ZNF469: variants seen among roughly 807,000 people sequenced by gnomAD.
ZNF469 encodes zinc finger protein 469.
ZNF469 carries 1 observed loss-of-function variant against 1.0 expected under a neutral mutation model. The ratio of observed to expected loss-of-function variants is 1.00; its 90% CI spans 0.35 to 4.73. The LOEUF (loss-of-function observed/expected upper bound fraction) is 4.73, where lower values mean the gene tolerates loss of function less well. Ranked by LOEUF, ZNF469 falls within the 30% of genes most tolerant of loss-of-function variation. The pLI, the probability that ZNF469 is intolerant of heterozygous loss-of-function variation, is 0.16. For missense variants in ZNF469, 6,100 were observed against 5,356.3 expected (o/e 1.14, Z -4.33); for synonymous variants, 2,703 against 2,363.4 (o/e 1.14, Z -4.17).
chr16:88,135,896 C>G, the ZNF469 span, among the ~76,000 whole-genome samples: 177 of 151,594 alleles, frequency 1.2e-3, no homozygotes, highest in Middle Eastern at 3.4e-3. Context: ...GAGTAGCTGG[C>G]ACTACAGGCG....
chr16:88,189,547 A>G, the ZNF469 span, among the ~76,000 whole-genome samples: 2 of 152,162 alleles, frequency 1.3e-5, no homozygotes, highest in African/African-American at 4.8e-5. The surrounding 1 kb of genome is among the most constrained non-coding windows in gnomAD (Gnocchi z 4.3). Flanking sequence ...TTGTGCTCCT[A>G]CTGTGTGCCA....
the ZNF469 span, among the ~76,000 whole-genome samples, chr16:88,162,415 C>A: frequency 1.4e-5 from 2 of 148,070 alleles, no homozygotes; most frequent in Non-Finnish European, 3.0e-5. Flanking sequence ...GCCAGAAATG[C>A]TTGAAGACTG....
the ZNF469 span, among the ~76,000 whole-genome samples, chr16:88,307,315 T>C: frequency 0.68 from 103,825 of 152,110 alleles, 35,722 homozygotes; most frequent in East Asian, 0.95. Flanking sequence ...GTGTACCCGT[T>C]TTTATGTGAA....
chr16:88,432,838 G>C lies in ZNF469; in HGVS notation c.5368G>C (p.Ala1790Pro), dbSNP rs764246971. The stretch of plus-strand genomic sequence containing the variant: ...CACAGCAGACCAGCCCCACCGAGGG[G>C]CCCCTGCTCCAGAAGCTTTTGGCAG... ...PGTADQPHRG[A>P]PAPEAFGSPA... The change falls in exon 3 of 3, where the codon GCC (alanine) becomes CCC (proline). Residue 1790 changes from alanine to proline, a missense_variant. Ala to Pro is a conservative substitution (Grantham distance 27). Transcript: ENST00000565624. 2 of 1,549,988 alleles carry C rather than the reference G, an allele frequency of 1.3e-6. No individual in the cohort carries two copies. The highest frequency in any genetic ancestry group is 1.4e-5 in the African/African-American group (1 of 72,976).
intron 1 of ZNF469, among the ~76,000 whole-genome samples, chr16:88,400,764 G>C (rs1263566437): frequency 6.6e-6 from 1 of 152,082 alleles, no homozygotes; most frequent in Non-Finnish European, 1.5e-5. Context: ...GTCTATCTCT[G>C]GGCAGGTCAC....
the ZNF469 span, among the ~76,000 whole-genome samples, chr16:88,219,564 A>G: frequency 6.7e-6 from 1 of 148,324 alleles, no homozygotes. Flanking sequence ...CTGGCTAGCC[A>G]TATGTAGAAA....
chr16:88,433,780 G>T lies in ZNF469; in HGVS notation c.6310G>T (p.Ala2104Ser). 6.5e-7 allele frequency: 1 copy of T among 1,549,560 alleles called. No homozygotes were observed. Reference protein sequence around the residue: ...KPLLATGDSPAPSVGDLAACA... With the variant: ...KPLLATGDSPSPSVGDLAACA... ...ACTGCTGGCCACAGGGGATAGCCCA[G>T]CACCCTCTGTCGGGGACCTGGCCGC... Residue 2104 changes from alanine (A) to serine (S), a missense_variant, in exon 3 of 3, where the codon GCA becomes TCA. By Grantham distance (99) the Ala-to-Ser change is moderately conservative. Coordinates refer to ENST00000565624, the MANE Select transcript of ZNF469 (RefSeq NM_001367624.2).
the ZNF469 span, among the ~76,000 whole-genome samples, chr16:88,294,175 G>A: frequency 6.6e-6 from 1 of 152,184 alleles, no homozygotes; most frequent in Non-Finnish European, 1.5e-5. Flanking sequence ...GAAACACATG[G>A]GACCAGTGAC....
the ZNF469 span, among the ~76,000 whole-genome samples, chr16:88,376,339 C>A: frequency 6.6e-6 from 1 of 152,254 alleles, no homozygotes; most frequent in African/African-American, 2.4e-5. Context: ...CTGCGGACGT[C>A]TGACTCCTTC....
At chr16:88,184,102 G>A in the ZNF469 span, among the ~76,000 whole-genome samples, 42 of 152,068 alleles carry the variant, frequency 2.8e-4, no homozygotes, top group South Asian at 6.5e-3. Context: ...CCCCTGCCCG[G>A]GCTGGGATCT....
chr16:88,130,519 AAT>A, the ZNF469 span, among the ~76,000 whole-genome samples: 7 of 152,162 alleles, frequency 4.6e-5, no homozygotes. Context: ...CAGCCTGGCC[AAT>A]ATGGTGAAAC....
chr16:88,120,588 A>T, the ZNF469 span, among the ~76,000 whole-genome samples: 14 of 152,220 alleles, frequency 9.2e-5, no homozygotes, highest in Non-Finnish European at 1.9e-4. Context: ...CAGGGAGGCG[A>T]GAGCCCTCAA....
the ZNF469 span, among the ~76,000 whole-genome samples, chr16:88,181,518 G>C: frequency 1.1e-4 from 16 of 152,134 alleles, no homozygotes; most frequent in Admixed American, 1.0e-3. Context: ...TTAATAGTAT[G>C]TCTCTTCAAA....
At chr16:88,203,485 A>G in the ZNF469 span, among the ~76,000 whole-genome samples, 61,674 of 149,226 alleles carry the variant, frequency 0.41, 12,778 homozygotes, top group Admixed American at 0.49. Flanking sequence ...AACACCACAA[A>G]TGACGGTGGG....
chr16:88,136,914 T>G, the ZNF469 span, among the ~76,000 whole-genome samples: 1 of 152,232 alleles, frequency 6.6e-6, no homozygotes, highest in Non-Finnish European at 1.5e-5. Flanking sequence ...AGATAAGTTC[T>G]GTCCTCCACA....
the ZNF469 span, among the ~76,000 whole-genome samples, chr16:88,223,738 C>T: frequency 6.6e-6 from 1 of 152,250 alleles, no homozygotes; most frequent in Non-Finnish European, 1.5e-5. Flanking sequence ...CAGCTTTCCG[C>T]TGCCTCTCAT....
chr16:88,227,268 C>T, the ZNF469 span, among the ~76,000 whole-genome samples: 2 of 152,170 alleles, frequency 1.3e-5, no homozygotes, highest in Admixed American at 1.3e-4. Context: ...CTCCCCAGGG[C>T]CGGGAACAGT....
At chr16:88,108,850 T>C in the ZNF469 span, among the ~76,000 whole-genome samples, 1 of 152,122 alleles carries the variant, frequency 6.6e-6, no homozygotes, top group African/African-American at 2.4e-5. Flanking sequence ...GTGGGGAGGC[T>C]CAACAGGGGA....
chr16:88,200,006 A>G, the ZNF469 span, among the ~76,000 whole-genome samples: 11 of 152,086 alleles, frequency 7.2e-5, no homozygotes, highest in African/African-American at 2.4e-4. Flanking sequence ...TGTTCCCTCC[A>G]TGACCTCGCC....
Sources: allele counts gnomAD v4.1 joint callset (sites outside exome capture counted in the v4.1 genomes callset), GRCh38; gene constraint gnomAD v4.1.1; non-coding constraint Gnocchi (gnomAD v3.1); transcripts MANE v1.5; gene names NCBI Gene and HGNC (gene_info 2026-07-23, HGNC 2026-07-21).